The following LYPD6 variants were observed in gnomAD, a reference collection of about 807,000 sequenced individuals.
LYPD6 encodes LY6/PLAUR domain containing 6, also known as ly6/PLAUR domain-containing protein 6.
In LYPD6, 15 loss-of-function variants were observed where a neutral mutation model predicts 22.7. That is an observed-to-expected ratio of 0.66 (90% CI 0.44 to 1.02). The LOEUF is 1.02. LYPD6 is among the 50% of genes least tolerant of loss of function. The probability of loss-of-function intolerance (pLI) is 0.00; values close to 1 mark genes in which losing one functional copy is unlikely to be tolerated. For missense variants in LYPD6, 189 were observed against 208.4 expected (o/e 0.91, Z 0.57); for synonymous variants, 72 against 77.5 (o/e 0.93, Z 0.37).
chr2:149,386,656 A>G (rs1209781305), intron 1 of LYPD6, among the ~76,000 whole-genome samples: 5 of 152,200 alleles, frequency 3.3e-5, no homozygotes, highest in Admixed American at 3.3e-4. Context: ...CTATTCAGAA[A>G]ATAGACATTT....
chr2:149,437,848 C>A lies in LYPD6; in HGVS notation c.118+22C>A, dbSNP rs201375622. The stretch of plus-strand genomic sequence containing the variant: ...TCAAGTAAGACTGTTCTCTTTGCTG[C>A]AGAAATATCACTTTATTTCAAATAA... On this transcript the variant is annotated intron_variant, in intron 2 of 4. Transcript: ENST00000334166. 1,033 of 1,611,846 alleles carry A rather than the reference C, an allele frequency of 6.4e-4. 8 individuals are homozygous for A. In the African/African-American group the frequency reaches 0.012, roughly 19 times the overall value.
rs1681330511 is a variant in LYPD6 at position 149,471,382 on chromosome 2, A to G, written c.*532A>G. ...GAAGAGTAGTAATTCCAACAATTCC[A>G]GCCATTTGTTCAATTAATTTTCCCA... On this transcript the variant is annotated 3_prime_UTR_variant, in exon 5 of 5. Coordinates refer to ENST00000334166, the MANE Select transcript of LYPD6 (RefSeq NM_194317.5). 6.6e-6 allele frequency: 1 copy of G among 152,274 alleles called. No homozygotes were observed. Among genetic ancestry groups the G allele is most frequent in the African/African-American group, 2.4e-5 (1 of 41,468 alleles). 9.4% of individuals were successfully genotyped at this position (152,274 alleles called of 1,614,324 possible).
At position 149,373,924 on chromosome 2, in the gene LYPD6, G is replaced by A. The variant is rs1484243601; in HGVS notation, c.-72+43202G>A. On this transcript the variant is annotated intron_variant, in intron 1 of 4. Transcript: ENST00000334166. ...CATTGAAGATAGAAAGTTGCTGTGG[G>A]AAACTATTTTTGTGGCTTTATATTT... Among the ~76,000 whole-genome samples, 4 of 152,132 alleles carry A rather than the reference G, an allele frequency of 2.6e-5. No homozygotes were observed. The South Asian group carries it at 8.3e-4, about 31-fold the overall frequency.
At chr2:149,478,377 G>GGTGTGT (rs55853638), downstream of LYPD6, among the ~76,000 whole-genome samples, 269 of 99,376 alleles carry the variant, frequency 2.7e-3, no homozygotes, top group African/African-American at 7.4e-3. Flanking sequence ...GGTATATAGA[G>GGTGTGT]GTGTGTGTGT....
At chr2:149,339,507 C>A (rs776320950) in intron 1 of LYPD6, among the ~76,000 whole-genome samples, 4 of 152,218 alleles carry the variant, frequency 2.6e-5, no homozygotes, top group Non-Finnish European at 4.4e-5. Flanking sequence ...CTACCAATTA[C>A]AGTCATAGCT....
At chr2:149,366,409 C>A (rs1335173265) in intron 1 of LYPD6, among the ~76,000 whole-genome samples, 2 of 152,204 alleles carry the variant, frequency 1.3e-5, no homozygotes, top group African/African-American at 2.4e-5. Context: ...ACTCTGACAT[C>A]CCTGACCCCT....
chr2:149,431,323 G>T (rs1559150122), intron 1 of LYPD6, among the ~76,000 whole-genome samples: 1 of 152,168 alleles, frequency 6.6e-6, no homozygotes, highest in East Asian at 1.9e-4. Context: ...CAGATTCTGT[G>T]GAAAAGCATC....
chr2:149,457,815 A>T (rs1680998596), intron 3 of LYPD6, among the ~76,000 whole-genome samples: 1 of 152,188 alleles, frequency 6.6e-6, no homozygotes, highest in African/African-American at 2.4e-5. Flanking sequence ...ACATGAAGGG[A>T]CTCTGAAAGG....
intron 1 of LYPD6, among the ~76,000 whole-genome samples, chr2:149,393,596 C>T (rs764181195): frequency 2.0e-5 from 3 of 152,170 alleles, no homozygotes; most frequent in Admixed American, 6.5e-5. Flanking sequence ...TTGAGCCAAG[C>T]GTGGTCCTCC....
At chr2:149,404,286 T>C (rs1276715503) in intron 1 of LYPD6, among the ~76,000 whole-genome samples, 1 of 152,232 alleles carries the variant, frequency 6.6e-6, no homozygotes, top group Non-Finnish European at 1.5e-5. Flanking sequence ...ATTGTTAGCT[T>C]GATGGGGATG....
intron 1 of LYPD6, among the ~76,000 whole-genome samples, chr2:149,432,634 G>C (rs530922390): frequency 6.6e-6 from 1 of 152,194 alleles, no homozygotes. Context: ...TTCTACCGTT[G>C]TGGTGTCATT....
chr2:149,474,965 C>T (rs370314001), downstream of LYPD6, among the ~76,000 whole-genome samples: 166 of 152,272 alleles, frequency 1.1e-3, no homozygotes, highest in African/African-American at 3.6e-3. Flanking sequence ...GACGGGGTTT[C>T]ACCATGTTGG....
intron 3 of LYPD6, among the ~76,000 whole-genome samples, chr2:149,461,982 G>T (rs1011882693): frequency 1.3e-5 from 2 of 152,014 alleles, no homozygotes; most frequent in Admixed American, 6.6e-5. Context: ...CTAAGACAGA[G>T]AACTAGGCAA....
chr2:149,423,144 CAT>C, intron 1 of LYPD6, among the ~76,000 whole-genome samples: 1 of 152,156 alleles, frequency 6.6e-6, no homozygotes, highest in East Asian at 1.9e-4. Context: ...AGGGTGACCT[CAT>C]ATGTACCTGG....
intron 1 of LYPD6, among the ~76,000 whole-genome samples, chr2:149,364,075 T>C (rs1360521777): frequency 1.3e-5 from 2 of 152,184 alleles, no homozygotes; most frequent in African/African-American, 2.4e-5. Flanking sequence ...GTACGACTTA[T>C]AGAAGATTTG....
Position 149,433,694 on chromosome 2 carries a change from A to G in LYPD6, c.-71-3944A>G, listed in dbSNP as rs181220731. ...GCTGTGAGCCTGGTTTTAGTTCCCT[A>G]TCTCACATGAAGACATGTAAGACTA... On this transcript the variant is annotated intron_variant, in intron 1 of 4. Coordinates refer to ENST00000334166, the MANE Select transcript of LYPD6 (RefSeq NM_194317.5). Among the ~76,000 whole-genome samples, 5 of 152,210 alleles carry G rather than the reference A, an allele frequency of 3.3e-5. No individual in the cohort carries two copies. The East Asian group carries it at 5.8e-4, about 18-fold the overall frequency.
intron 3 of LYPD6, among the ~76,000 whole-genome samples, chr2:149,465,104 G>T (rs768550128): frequency 3.3e-5 from 5 of 152,168 alleles, no homozygotes; most frequent in Non-Finnish European, 5.9e-5. Flanking sequence ...AGTGAGAAGA[G>T]GTTCAAGGAC....
chr2:149,459,769 G>A (rs540811605), intron 3 of LYPD6, among the ~76,000 whole-genome samples: 4 of 152,092 alleles, frequency 2.6e-5, no homozygotes, highest in African/African-American at 7.2e-5. Context: ...AGGCTTGGTG[G>A]CAGGCACCTG....
In LYPD6 at chr2:149,344,992, G is replaced by A. The variant is rs552215575; in HGVS notation, c.-72+14270G>A. On this transcript the variant is annotated intron_variant, in intron 1 of 4. Coordinates refer to ENST00000334166, the MANE Select transcript of LYPD6 (RefSeq NM_194317.5). ...GAGTCCAGGAGTTTGGGGCTGCAGT[G>A]TGCTGTGACTGCACCTGTAAATAGT... is the stretch of plus-strand genomic sequence containing the variant. Among the ~76,000 whole-genome samples, 22 of 152,192 alleles carry A rather than the reference G, an allele frequency of 1.4e-4. No homozygotes were observed. In the South Asian group the frequency reaches 3.5e-3, roughly 24 times the overall value.
Sources: allele counts gnomAD v4.1 joint callset (sites outside exome capture counted in the v4.1 genomes callset), GRCh38; gene constraint gnomAD v4.1.1; transcripts MANE v1.5; gene names NCBI Gene and HGNC (gene_info 2026-07-23, HGNC 2026-07-21).